The following STK38 variants were observed in gnomAD, a reference collection of about 807,000 sequenced individuals.
STK38 encodes the protein serine/threonine-protein kinase 38.
STK38 carries 26 observed loss-of-function variants against 59.0 expected under a neutral mutation model. The ratio of observed to expected loss-of-function variants is 0.44; its 90% CI spans 0.32 to 0.61. The LOEUF is 0.61. STK38 is among the 20% of genes least tolerant of loss of function. The pLI, the probability that STK38 is intolerant of heterozygous loss-of-function variation, is 0.04. For synonymous variants in STK38, 175 were observed against 176.6 expected, an observed-to-expected ratio of 0.99 and a Z score of 0.07; for missense variants, 433 against 566.0, an observed-to-expected ratio of 0.76 and a Z score of 2.38.
At chr6:36,503,993 T>C (rs889141649) in intron 9 of STK38, among the ~76,000 whole-genome samples, 7 of 152,210 alleles carry the variant, frequency 4.6e-5, no homozygotes, top group African/African-American at 1.4e-4. Context: ...TTCTCCTTTT[T>C]TCTGTCTGGG....
intron 2 of STK38, among the ~76,000 whole-genome samples, chr6:36,532,468 G>C (rs571484466): frequency 6.6e-6 from 1 of 152,078 alleles, no homozygotes; most frequent in African/African-American, 2.4e-5. Context: ...AAACCTACTA[G>C]CAGCTCATAC....
intron 4 of STK38, chr6:36,522,215 T>TAGTCCC (rs1200645462): frequency 6.3e-6 from 1 of 159,370 alleles, no homozygotes; most frequent in African/African-American, 2.4e-5. Context: ...TGTATACCTG[T>TAGTCCC]AGTCCCAGCT....
chr6:36,524,211 T>C, intron 4 of STK38, 130 bp downstream of exon 4: 2 of 1,060,854 alleles, frequency 1.9e-6, no homozygotes, highest in Non-Finnish European at 1.3e-6. Flanking sequence ...GCAATTAGGA[T>C]GTGGGGCTGG....
chr6:36,539,612 T>G (rs1028977279), intron 2 of STK38, among the ~76,000 whole-genome samples: 1 of 152,134 alleles, frequency 6.6e-6, no homozygotes, highest in Non-Finnish European at 1.5e-5. Flanking sequence ...ACAGAAAGAC[T>G]AAGGAACTTA....
At position 36,527,202 on chromosome 6, in the gene STK38, A is replaced by AT. The variant is rs1207117096; in HGVS notation, c.132-1561_132-1560insA. Among the ~76,000 whole-genome samples the AT allele has an allele frequency of 4.5e-4, 60 of 133,826 alleles. 2 individuals carry two copies. Among genetic ancestry groups the AT allele is most frequent in the Middle Eastern group, 3.7e-3 (1 of 268 alleles). The allele number at this position is 133,826 out of a possible 152,430, so 87.8% of individuals were successfully genotyped here. A position where few individuals can be genotyped will look rare whatever the true frequency, so the allele number is the denominator to read the frequency against. Reference sequence around the variant, plus strand: ...GCAAGACTCCGTCTCAAAAAAAAAAAAAAAAATATATGTATATATATATAT... The same window carrying AT: ...GCAAGACTCCGTCTCAAAAAAAAAAATAAAAAATATATGTATATATATATAT... On this transcript the variant is annotated intron_variant, in intron 2 of 13. Coordinates refer to ENST00000229812, the MANE Select transcript of STK38 (RefSeq NM_007271.4).
At chr6:36,536,088 C>A (rs1777783365) in intron 2 of STK38, among the ~76,000 whole-genome samples, 1 of 152,104 alleles carries the variant, frequency 6.6e-6, no homozygotes, top group Non-Finnish European at 1.5e-5. Flanking sequence ...TGGCTAAGGA[C>A]AGACAAGGAA....
In STK38 at chr6:36,498,508, G is replaced by A. The variant is rs753884549; in HGVS notation, c.953-22C>T. On this transcript the variant is annotated intron_variant, in intron 10 of 13. Coordinates refer to ENST00000229812, the MANE Select transcript of STK38 (RefSeq NM_007271.4). ...TAGCCTGTAATAAAAAAGGAACTTC[G>A]GAGCTTTTACACTCCAGAACTTTGA... The A allele has an allele frequency of 9.3e-6, 15 of 1,605,332 alleles. No homozygotes were observed. In the African/African-American group the frequency reaches 9.5e-5, roughly 10 times the overall value.
chr6:36,498,256 T>A, intron 11 of STK38, 107 bp downstream of exon 11: 1 of 1,412,064 alleles, frequency 7.1e-7, no homozygotes, highest in Non-Finnish European at 9.7e-7. Context: ...AAGAGAGGAA[T>A]AGGAGGAAAC....
chr6:36,529,029 C>T (rs1202392423), intron 2 of STK38, among the ~76,000 whole-genome samples: 1 of 152,100 alleles, frequency 6.6e-6, no homozygotes, highest in Non-Finnish European at 1.5e-5. Flanking sequence ...AAAAGCCTAT[C>T]CATGATAACA....
chr6:36,526,568 G>A (rs1207184174), intron 2 of STK38, among the ~76,000 whole-genome samples: 1 of 152,034 alleles, frequency 6.6e-6, no homozygotes, highest in Non-Finnish European at 1.5e-5. Flanking sequence ...AGACCAGCCT[G>A]GCCAACATGG....
At chr6:36,541,957 T>C (rs1457222256) in intron 1 of STK38, among the ~76,000 whole-genome samples, 1 of 151,880 alleles carries the variant, frequency 6.6e-6, no homozygotes. Context: ...GCCTCCCAAG[T>C]AGTTAAGATG....
At chr6:36,537,115 T>C (rs972480776) in intron 2 of STK38, among the ~76,000 whole-genome samples, 5 of 151,890 alleles carry the variant, frequency 3.3e-5, no homozygotes, top group Non-Finnish European at 2.9e-5. Context: ...TCGAAAAATC[T>C]CAACAAACAT....
intron 2 of STK38, among the ~76,000 whole-genome samples, chr6:36,537,516 GACAA>G (rs369652162): frequency 3.8e-4 from 58 of 152,214 alleles, no homozygotes; most frequent in East Asian, 1.3e-3. Context: ...TAGGAGAATG[GACAA>G]ACAAAGATAT....
rs1776756283 is a variant in STK38, at chr6:36,498,365, C to A, written c.1074G>T (p.Leu358Phe). 1.2e-6 allele frequency: 2 copies of A among 1,611,716 alleles called. No individual in the cohort carries two copies. Among genetic ancestry groups the A allele is most frequent in the South Asian group, 2.2e-5 (2 of 90,820 alleles). ...GGTGGAGGGATGTTCTCTAATACCTCAAAATTAGATCCTTGGCTTTCTCAG... is the reference window on the plus strand; with the variant it reads ...GGTGGAGGGATGTTCTCTAATACCTAAAAATTAGATCCTTGGCTTTCTCAG... ...PISEKAKDLI[L>F]RFCCEWEHRI... The change falls in exon 11 of 14, where the codon TTG becomes TTT. Residue 358 changes from leucine (L) to phenylalanine (F), a missense_variant and splice_region_variant. This residue lies in a region of STK38 where 136 missense variants were observed against 156.7 expected (regional missense o/e 0.87). Coordinates refer to ENST00000229812, the MANE Select transcript of STK38 (RefSeq NM_007271.4).
chr6:36,539,684 A>G (rs543141401), intron 2 of STK38, among the ~76,000 whole-genome samples: 1 of 152,170 alleles, frequency 6.6e-6, no homozygotes, highest in East Asian at 1.9e-4. Context: ...TCTGACTCCA[A>G]AAGGGCTGCT....
At chr6:36,501,173 T>G (rs1317581415) in intron 9 of STK38, among the ~76,000 whole-genome samples, 1 of 151,930 alleles carries the variant, frequency 6.6e-6, no homozygotes, top group Non-Finnish European at 1.5e-5. Context: ...AGACTGGTCT[T>G]TAACTCCTGG....
intron 5 of STK38, among the ~76,000 whole-genome samples, chr6:36,519,985 C>CA (rs1777342428): frequency 6.6e-6 from 1 of 152,004 alleles, no homozygotes; most frequent in Admixed American, 6.6e-5. Flanking sequence ...TAAAAGCAAA[C>CA]AAAAAAACAA....
chr6:36,498,434 C>T lies in STK38; in HGVS notation c.1005G>A (p.Met335Ile). Residue 335 changes from methionine (M) to isoleucine (I), a missense_variant, in exon 11 of 14, where the codon ATG (methionine) becomes ATA (isoleucine). Around this residue, in one of 3 missense-constraint regions of STK38, gnomAD observed 136 missense variants for 156.7 expected, o/e 0.87. Coordinates refer to ENST00000229812, the MANE Select transcript of STK38 (RefSeq NM_007271.4). ...GAAAAGTCAAAGTTTCTTTCCAGTT[C>T]ATCACCTTCTTATATGTCTCTTGAG... ...ETPQETYKKV[M>I]NWKETLTFPP... 1 of 1,614,022 alleles carries T rather than the reference C, an allele frequency of 6.2e-7. No individual in the cohort carries two copies. The highest frequency in any genetic ancestry group is 1.1e-5 in the South Asian group (1 of 91,070).
At chr6:36,502,442 C>T (rs949469528) in intron 9 of STK38, among the ~76,000 whole-genome samples, 1 of 152,054 alleles carries the variant, frequency 6.6e-6, no homozygotes, top group East Asian at 1.9e-4. Flanking sequence ...GTTGTGTTGT[C>T]CTTTTTCTTA....
Sources: gnomAD v4.1 joint callset for allele counts (sites outside exome capture counted in the v4.1 genomes callset) on GRCh38, gnomAD v4.1.1 for gene constraint, gnomAD v4.1.1 regional missense constraint, MANE v1.5 for transcripts, NCBI Gene and HGNC (gene_info 2026-07-23, HGNC 2026-07-21) for gene names.